Variants in SPTLC3 observed in about 807,000 individuals in gnomAD.
SPTLC3 encodes serine palmitoyltransferase long chain base subunit 3, also known as serine palmitoyltransferase 3.
A neutral mutation model predicts 59.3 loss-of-function variants in SPTLC3; 36 were observed. The observed-to-expected ratio is 0.61, with a 90% CI of 0.47 to 0.80. SPTLC3 has a LOEUF of 0.80. Ranked by LOEUF, SPTLC3 falls within the 30% of genes least tolerant of loss-of-function variation. The pLI is 0.00. For missense variants in SPTLC3, 625 were observed against 685.1 expected, an observed-to-expected ratio of 0.91 and a Z score of 0.98; for synonymous variants, 257 against 240.8, an observed-to-expected ratio of 1.07 and a Z score of -0.62.
intron 1 of SPTLC3, among the ~76,000 whole-genome samples, chr20:13,026,615 C>T (rs894601143): frequency 6.6e-6 from 1 of 152,076 alleles, no homozygotes; most frequent in Non-Finnish European, 1.5e-5. Flanking sequence ...AATACGTCTT[C>T]AAATAAAAAC....
intron 8 of SPTLC3, among the ~76,000 whole-genome samples, chr20:13,122,138 C>A (rs1339709211): frequency 2.0e-5 from 3 of 152,206 alleles, no homozygotes; most frequent in African/African-American, 7.2e-5. Context: ...TAAAACCCGT[C>A]TGTTTTCCAT....
chr20:13,087,959 C>T (rs114973926), intron 4 of SPTLC3, among the ~76,000 whole-genome samples: 1 of 152,172 alleles, frequency 6.6e-6, no homozygotes, highest in African/African-American at 2.4e-5. Flanking sequence ...CGTGCAACAT[C>T]GGGAAAGCCT....
rs763183165 is a variant in SPTLC3, at chr20:13,072,249, C to A, written c.304-7C>A. On this transcript the variant is annotated splice_region_variant and splice_polypyrimidine_tract_variant and intron_variant, in intron 2 of 11. Coordinates refer to ENST00000399002, the MANE Select transcript of SPTLC3 (RefSeq NM_018327.4). ...CCAGAGATAACCTTCTACCTCTGTT[C>A]TAACAGGATTTTGTGCCACTGTATC... 18 of 1,609,202 alleles carry A rather than the reference C, an allele frequency of 1.1e-5. No individual in the cohort carries two copies. The highest frequency in any genetic ancestry group is 2.7e-5 in the African/African-American group (2 of 74,546).
At chr20:13,064,196 A>AT (rs768031092) in intron 2 of SPTLC3, among the ~76,000 whole-genome samples, 30 of 150,476 alleles carry the variant, frequency 2.0e-4, no homozygotes, top group Admixed American at 9.3e-4. Flanking sequence ...CACCTGGCCA[A>AT]TTTTTTTTAA....
At chr20:13,112,948 C>A (rs1990320317) in intron 7 of SPTLC3, among the ~76,000 whole-genome samples, 1 of 152,106 alleles carries the variant, frequency 6.6e-6, no homozygotes, top group Admixed American at 6.6e-5. Flanking sequence ...TTCGGGAGAC[C>A]AAGGCAGGTG....
chr20:13,018,441 T>G (rs1231169747), intron 1 of SPTLC3, among the ~76,000 whole-genome samples: 1 of 152,180 alleles, frequency 6.6e-6, no homozygotes, highest in Non-Finnish European at 1.5e-5. Flanking sequence ...TAACCAGAGA[T>G]GAGTGTCCGG....
At chr20:13,146,770 A>G (rs2122916646) in intron 9 of SPTLC3, among the ~76,000 whole-genome samples, 1 of 152,274 alleles carries the variant, frequency 6.6e-6, no homozygotes, top group South Asian at 2.1e-4. Flanking sequence ...GTACATAGTG[A>G]GTACTTTTCA....
intron 9 of SPTLC3, among the ~76,000 whole-genome samples, chr20:13,143,992 C>A (rs1285085470): frequency 6.6e-6 from 1 of 152,194 alleles, no homozygotes; most frequent in Non-Finnish European, 1.5e-5. Context: ...GTCTTCCTAA[C>A]CCCCTCAGAG....
At chr20:13,012,253 C>T (rs1306187017) in intron 1 of SPTLC3, among the ~76,000 whole-genome samples, 1 of 152,128 alleles carries the variant, frequency 6.6e-6, no homozygotes, top group African/African-American at 2.4e-5. Flanking sequence ...CTAATCATCC[C>T]TTTCCTGGAA....
At chr20:13,015,566 C>A (rs1310039544) in intron 1 of SPTLC3, among the ~76,000 whole-genome samples, 2 of 152,124 alleles carry the variant, frequency 1.3e-5, no homozygotes, top group African/African-American at 4.8e-5. Context: ...TGCATTAATT[C>A]TGCCTAAGTT....
intron 2 of SPTLC3, among the ~76,000 whole-genome samples, chr20:13,070,687 C>G (rs1057349435): frequency 2.0e-5 from 3 of 152,102 alleles, no homozygotes; most frequent in African/African-American, 7.2e-5. Flanking sequence ...TCAAGCTTCC[C>G]ACTGTCTGTG....
At chr20:13,101,751 G>T (rs1375558289) in intron 6 of SPTLC3, among the ~76,000 whole-genome samples, 1 of 152,124 alleles carries the variant, frequency 6.6e-6, no homozygotes, top group Non-Finnish European at 1.5e-5. Context: ...GGGGGCTCTT[G>T]TTAAAATGCA....
chr20:13,161,435 A>G (rs2038894204), intron 11 of SPTLC3, among the ~76,000 whole-genome samples: 1 of 152,206 alleles, frequency 6.6e-6, no homozygotes, highest in African/African-American at 2.4e-5. Flanking sequence ...CCTTACAGCC[A>G]ACAGTAGAAG....
chr20:13,050,349 C>T (rs960556169), intron 2 of SPTLC3: 5 of 152,096 alleles, frequency 3.3e-5, no homozygotes, highest in African/African-American at 1.2e-4. Context: ...AGCTTAAAGA[C>T]AAGGTCTTCG....
chr20:13,015,400 A>C (rs898770335), intron 1 of SPTLC3, among the ~76,000 whole-genome samples: 1 of 152,208 alleles, frequency 6.6e-6, no homozygotes, highest in Non-Finnish European at 1.5e-5. Flanking sequence ...ACTCCTTTAC[A>C]ATAGCACCAG....
intron 1 of SPTLC3, among the ~76,000 whole-genome samples, chr20:13,031,330 T>A (rs1008448460): frequency 1.3e-5 from 2 of 152,182 alleles, no homozygotes; most frequent in African/African-American, 4.8e-5. Context: ...GAAATTTAAA[T>A]GTAACTAACG....
intron 9 of SPTLC3, among the ~76,000 whole-genome samples, chr20:13,151,449 TAAGA>T (rs989893609): frequency 2.0e-5 from 3 of 152,172 alleles, no homozygotes; most frequent in East Asian, 1.9e-4. Context: ...TCAGCATCCC[TAAGA>T]AAGAACAATA....
At chr20:13,032,654 A>C (rs1986545077) in intron 1 of SPTLC3, among the ~76,000 whole-genome samples, 1 of 151,678 alleles carries the variant, frequency 6.6e-6, no homozygotes, top group Non-Finnish European at 1.5e-5. Flanking sequence ...TCCCTCATTC[A>C]CTCATTTCTT....
intron 9 of SPTLC3, among the ~76,000 whole-genome samples, chr20:13,137,924 C>T (rs936971463): frequency 6.6e-6 from 1 of 152,160 alleles, no homozygotes; most frequent in African/African-American, 2.4e-5. Flanking sequence ...TACTCAAGCT[C>T]ATCTCCCAGA....
Sources: gnomAD v4.1 joint callset for allele counts (sites outside exome capture counted in the v4.1 genomes callset) on GRCh38, gnomAD v4.1.1 for gene constraint, MANE v1.5 for transcripts, NCBI Gene and HGNC (gene_info 2026-07-23, HGNC 2026-07-21) for gene names.